ATF7IP: variants seen among roughly 807,000 people sequenced by gnomAD.
ATF7IP encodes the protein activating transcription factor 7-interacting protein 1.
Under a neutral mutation model 106.4 loss-of-function variants are expected in ATF7IP, and 23 were observed. The ratio of observed to expected loss-of-function variants is 0.22; its 90% CI spans 0.16 to 0.31. ATF7IP has a LOEUF of 0.31. Among genes scored for constraint, ATF7IP ranks in the 10% least tolerant of loss-of-function variants. The pLI, the probability that ATF7IP is intolerant of heterozygous loss-of-function variation, is 1.00. For synonymous variants in ATF7IP, 542 were observed against 539.0 expected (o/e 1.01, Z -0.08); for missense variants, 1,334 against 1,524.3 (o/e 0.88, Z 2.08).
chr12:14,378,042 C>G (rs1938826732), intron 1 of ATF7IP, among the ~76,000 whole-genome samples: 1 of 151,652 alleles, frequency 6.6e-6, no homozygotes, highest in African/African-American at 2.4e-5. Context: ...AGTATTTAAT[C>G]ATTGGTCTAA....
intron 1 of ATF7IP, chr12:14,385,220 T>C (rs1939164437): frequency 1.9e-6 from 1 of 524,738 alleles, no homozygotes. Context: ...GGGCTTTGTT[T>C]GTTACATAGC....
At position 14,471,763 on chromosome 12, in the gene ATF7IP, C is replaced by A. The variant is rs529723000; in HGVS notation, c.2863-4127C>A. 4.6e-5 allele frequency among the ~76,000 whole-genome samples: 7 copies of A among 152,194 alleles called. No homozygotes were observed. In the South Asian group the frequency reaches 1.2e-3, roughly 27 times the overall value. ...AGAATAGCATGGGGGAAACTGCCCC[C>A]ATGATTCAGTTACCTCCCACCCAGT... On this transcript the variant is annotated intron_variant, in intron 10 of 14. Transcript: ENST00000261168.
intron 6 of ATF7IP, among the ~76,000 whole-genome samples, chr12:14,447,681 C>A (rs1023176098): frequency 3.9e-5 from 6 of 152,130 alleles, no homozygotes; most frequent in Non-Finnish European, 8.8e-5. Flanking sequence ...GCATTCTTGT[C>A]AGATTCCCAG....
Position 14,466,713 on chromosome 12 carries a change from T to C in ATF7IP, c.2862+123T>C, listed in dbSNP as rs1943847446. 7 of 745,312 alleles carry C rather than the reference T, an allele frequency of 9.4e-6. No homozygotes were observed. In the East Asian group the frequency reaches 1.4e-4, roughly 15 times the overall value. 46.2% of individuals were successfully genotyped at this position (745,312 alleles called of 1,614,324 possible). On this transcript the variant is annotated intron_variant, in intron 10 of 14. Coordinates refer to ENST00000261168, the MANE Select transcript of ATF7IP (RefSeq NM_018179.5). ...TGTGTTTTTTATAACTATCCAAACA[T>C]TGTCTCACAGCTTCTCTGTAATGTT...
intron 13 of ATF7IP, 120 bp from the exon 14 acceptor site, chr12:14,496,111 A>G (rs1232094300): frequency 1.5e-6 from 1 of 661,168 alleles, no homozygotes; most frequent in South Asian, 2.1e-5. Context: ...TAGGTTAGAA[A>G]TATCTTTCCT....
chr12:14,489,700 C>T (rs1306789782), intron 13 of ATF7IP, among the ~76,000 whole-genome samples: 3 of 152,110 alleles, frequency 2.0e-5, no homozygotes, highest in Admixed American at 1.3e-4. Flanking sequence ...GCCATTCCAC[C>T]GTTCTGTAAA....
At chr12:14,445,327 G>A (rs1046198398) in intron 5 of ATF7IP, among the ~76,000 whole-genome samples, 11 of 151,266 alleles carry the variant, frequency 7.3e-5, no homozygotes, top group Non-Finnish European at 1.3e-4. Context: ...TGACATTCTC[G>A]CATGAGCTGG....
chr12:14,391,384 T>C (rs962505113), intron 1 of ATF7IP, among the ~76,000 whole-genome samples: 2 of 152,238 alleles, frequency 1.3e-5, no homozygotes, highest in African/African-American at 4.8e-5. Flanking sequence ...TAGAACTATC[T>C]GACTCGTGTA....
intron 8 of ATF7IP, among the ~76,000 whole-genome samples, chr12:14,457,939 C>G (rs933750576): frequency 2.0e-5 from 3 of 151,564 alleles, no homozygotes; most frequent in Non-Finnish European, 2.9e-5. Context: ...TACCAAAATA[C>G]AAAAATTATC....
chr12:14,434,511 C>A, intron 3 of ATF7IP, 88 bp downstream of exon 3: 4 of 909,708 alleles, frequency 4.4e-6, no homozygotes, highest in East Asian at 2.8e-5. Flanking sequence ...TCTTTTTTGC[C>A]CATGAAATAA....
At chr12:14,423,602 T>A (rs1179655093) in intron 1 of ATF7IP, among the ~76,000 whole-genome samples, 1 of 138,510 alleles carries the variant, frequency 7.2e-6, no homozygotes, top group East Asian at 2.1e-4. Flanking sequence ...TTTTTTTACT[T>A]TATCTACCTT....
chr12:14,478,980 A>G (rs1944348993), intron 12 of ATF7IP, among the ~76,000 whole-genome samples: 1 of 152,324 alleles, frequency 6.6e-6, no homozygotes, highest in Admixed American at 6.5e-5. Context: ...GTGTTTCTCA[A>G]AGTTACTTGG....
intron 1 of ATF7IP, among the ~76,000 whole-genome samples, chr12:14,386,825 A>G (rs1320266139): frequency 6.6e-6 from 1 of 152,144 alleles, no homozygotes; most frequent in Non-Finnish European, 1.5e-5. Context: ...GCACTGTGGA[A>G]TTCAGTTTGA....
At chr12:14,376,190 A>T (rs535364176) in intron 1 of ATF7IP, among the ~76,000 whole-genome samples, 21 of 152,334 alleles carry the variant, frequency 1.4e-4, no homozygotes, top group African/African-American at 5.1e-4. Flanking sequence ...TCATTGGCAA[A>T]GTTAGGGATG....
chr12:14,402,387 C>T (rs1388737130), intron 1 of ATF7IP, among the ~76,000 whole-genome samples: 2 of 151,894 alleles, frequency 1.3e-5, no homozygotes, highest in African/African-American at 4.8e-5. Context: ...CCCAGCTTTC[C>T]AAAGTGTTGG....
chr12:14,484,432 C>T (rs1944524693), intron 13 of ATF7IP, among the ~76,000 whole-genome samples: 1 of 152,292 alleles, frequency 6.6e-6, no homozygotes, highest in East Asian at 1.9e-4. Context: ...GTTTTTGTTA[C>T]AACCCATAAA....
chr12:14,483,131 T>A (rs1043563983), intron 13 of ATF7IP, among the ~76,000 whole-genome samples: 1 of 152,240 alleles, frequency 6.6e-6, no homozygotes, highest in Non-Finnish European at 1.5e-5. Flanking sequence ...TACCTTCTTC[T>A]ACTACCCATT....
intron 13 of ATF7IP, among the ~76,000 whole-genome samples, chr12:14,488,199 C>A (rs920225210): frequency 6.6e-6 from 1 of 152,044 alleles, no homozygotes; most frequent in African/African-American, 2.4e-5. Flanking sequence ...GACACACACA[C>A]ATGCACACAC....
intron 13 of ATF7IP, among the ~76,000 whole-genome samples, chr12:14,484,532 T>A (rs1591960693): frequency 1.3e-5 from 2 of 152,318 alleles, no homozygotes; most frequent in East Asian, 3.9e-4. Flanking sequence ...TGGGAATATT[T>A]CCCTTCACCG....
Sources: gnomAD v4.1 joint callset for allele counts (sites outside exome capture counted in the v4.1 genomes callset) on GRCh38, gnomAD v4.1.1 for gene constraint, MANE v1.5 for transcripts, NCBI Gene and HGNC (gene_info 2026-07-23, HGNC 2026-07-21) for gene names.